GAS7: variants seen among roughly 807,000 people sequenced by gnomAD.
GAS7 encodes the protein growth arrest specific 7.
In GAS7, 28 loss-of-function variants were observed where a neutral mutation model predicts 71.1. The ratio of observed to expected loss-of-function variants is 0.39; its 90% CI spans 0.29 to 0.54. The LOEUF (loss-of-function observed/expected upper bound fraction) is 0.54. Among genes scored for constraint, GAS7 ranks in the 20% least tolerant of loss-of-function variants. The pLI, the probability that GAS7 is intolerant of heterozygous loss-of-function variation, is 0.62. For missense variants in GAS7, 436 were observed against 627.8 expected (o/e 0.69, Z 3.27); for synonymous variants, 258 against 245.8 (o/e 1.05, Z -0.46).
intron 1 of GAS7, among the ~76,000 whole-genome samples, chr17:10,180,581 A>C (rs2074407163): frequency 1.3e-5 from 2 of 152,100 alleles, no homozygotes; most frequent in Non-Finnish European, 2.9e-5. Context: ...CTCCAGCACG[A>C]AATAATAATG....
chr17:10,101,260 A>C, intron 1 of GAS7, among the ~76,000 whole-genome samples: 1 of 152,204 alleles, frequency 6.6e-6, no homozygotes, highest in Admixed American at 6.5e-5. Flanking sequence ...AGTCTCAATC[A>C]GAGGAGAATC....
chr17:10,063,213 C>T (rs2073239002), intron 1 of GAS7, among the ~76,000 whole-genome samples: 1 of 152,242 alleles, frequency 6.6e-6, no homozygotes, highest in African/African-American at 2.4e-5. Flanking sequence ...GGAGTTCCTG[C>T]TCCTGCCTAC....
At chr17:9,931,558 C>T (rs958370775) in intron 9 of GAS7, among the ~76,000 whole-genome samples, 2 of 152,178 alleles carry the variant, frequency 1.3e-5, no homozygotes, top group Non-Finnish European at 2.9e-5. Context: ...GGGGCCCCGA[C>T]AGGGGAAGGG....
chr17:10,178,702 C>CTTTTTTTTTTTTTTTTTTTTT (rs397857157), intron 1 of GAS7, among the ~76,000 whole-genome samples: 2 of 34,536 alleles, frequency 5.8e-5, no homozygotes, highest in African/African-American at 1.2e-4. Context: ...CCCCCACCAC[C>CTTTTTTTTTTTTTTTTTTTTT]TTTTTTTTTT....
intron 2 of GAS7, among the ~76,000 whole-genome samples, chr17:9,988,849 CT>C (rs554594604): frequency 0.04 from 5,327 of 131,658 alleles, 257 homozygotes; most frequent in African/African-American, 0.14. Flanking sequence ...CTGTCATTTC[CT>C]TTTTTTTTTT....
At chr17:10,005,248 T>TGG (rs1491515565) in intron 2 of GAS7, among the ~76,000 whole-genome samples, 7 of 144,896 alleles carry the variant, frequency 4.8e-5, no homozygotes, top group African/African-American at 2.0e-4. Flanking sequence ...CGCGCATGCA[T>TGG]GTGTGTGCAC....
chr17:10,120,776 G>C (rs2073898245), intron 1 of GAS7, among the ~76,000 whole-genome samples: 1 of 152,186 alleles, frequency 6.6e-6, no homozygotes, highest in Admixed American at 6.5e-5. Context: ...CTGCTCAGGA[G>C]CCTGCACCCT....
At chr17:10,099,542 T>C (rs544804264) in intron 1 of GAS7, among the ~76,000 whole-genome samples, 2 of 152,286 alleles carry the variant, frequency 1.3e-5, no homozygotes, top group African/African-American at 2.4e-5. Flanking sequence ...TGAATTACAT[T>C]GCTTAATTTC....
chr17:10,110,855 A>G (rs894103196), intron 1 of GAS7, among the ~76,000 whole-genome samples: 5 of 152,212 alleles, frequency 3.3e-5, no homozygotes, highest in Non-Finnish European at 4.4e-5. Context: ...AAACAGCTAG[A>G]AGAATGTTTG....
intron 1 of GAS7, among the ~76,000 whole-genome samples, chr17:10,160,152 C>T (rs1390128229): frequency 6.6e-6 from 1 of 152,108 alleles, no homozygotes; most frequent in Non-Finnish European, 1.5e-5. Context: ...GCGATCCACC[C>T]ACCTCAGCCT....
At chr17:9,934,048 T>C (rs1259941234) in intron 9 of GAS7, 118 bp downstream of exon 9, 4 of 734,246 alleles carry the variant, frequency 5.4e-6, no homozygotes, top group Non-Finnish European at 9.9e-6. Flanking sequence ...TTCATGTTGA[T>C]AGCCTGAAGT....
intron 9 of GAS7, among the ~76,000 whole-genome samples, chr17:9,931,815 C>G (rs2068218051): frequency 6.6e-6 from 1 of 152,220 alleles, no homozygotes; most frequent in South Asian, 2.1e-4. Flanking sequence ...TGTAGCAGCT[C>G]TGTTCCCTCT....
chr17:10,046,573 T>C (rs1466028086), intron 1 of GAS7, among the ~76,000 whole-genome samples: 1 of 150,974 alleles, frequency 6.6e-6, no homozygotes, highest in Non-Finnish European at 1.5e-5. Flanking sequence ...TCGTCTCTAC[T>C]AAAAATACAA....
At chr17:10,077,260 T>G (rs2073405003) in intron 1 of GAS7, among the ~76,000 whole-genome samples, 1 of 152,184 alleles carries the variant, frequency 6.6e-6, no homozygotes, top group Non-Finnish European at 1.5e-5. Context: ...TAATAAATAC[T>G]TATGATTAAA....
intron 5 of GAS7, among the ~76,000 whole-genome samples, chr17:9,947,612 C>T (rs1483434455): frequency 6.6e-6 from 1 of 151,884 alleles, no homozygotes. Flanking sequence ...GGCGTAGTGG[C>T]GCATGCGTGT....
At chr17:9,940,274 A>G (rs189842245) in intron 7 of GAS7, 74 bp from the exon 8 acceptor site, 18 of 1,101,482 alleles carry the variant, frequency 1.6e-5, no homozygotes, top group Non-Finnish European at 2.4e-5. Context: ...TGCCCTGCAC[A>G]CCTCAGCCGT....
intron 1 of GAS7, among the ~76,000 whole-genome samples, chr17:10,167,182 C>T (rs902879643): frequency 6.6e-5 from 10 of 151,194 alleles, no homozygotes; most frequent in Non-Finnish European, 1.2e-4. Flanking sequence ...CTCAGCCTCC[C>T]GAGTAGCTGG....
intron 1 of GAS7, among the ~76,000 whole-genome samples, chr17:10,140,753 T>C (rs992240662): frequency 6.6e-6 from 1 of 152,192 alleles, no homozygotes; most frequent in African/African-American, 2.4e-5. Flanking sequence ...GGAGTGTCCC[T>C]AGAGAAGCTG....
At chr17:10,143,769 G>A (rs1222646859) in intron 1 of GAS7, among the ~76,000 whole-genome samples, 1 of 152,202 alleles carries the variant, frequency 6.6e-6, no homozygotes, top group Admixed American at 6.5e-5. Flanking sequence ...CAGACTTGTA[G>A]TCTCTAGAAT....
Sources: gnomAD v4.1 joint callset for allele counts (sites outside exome capture counted in the v4.1 genomes callset) on GRCh38, gnomAD v4.1.1 for gene constraint, MANE v1.5 for transcripts, NCBI Gene and HGNC (gene_info 2026-07-23, HGNC 2026-07-21) for gene names.